The following CEP97 variants were observed in gnomAD, a reference collection of about 807,000 sequenced individuals.
CEP97 encodes centrosomal protein 97, also known as centrosomal protein of 97 kDa.
CEP97 carries 43 observed loss-of-function variants against 73.1 expected under a neutral mutation model. That is an observed-to-expected ratio of 0.59 (90% confidence interval 0.46 to 0.76). CEP97 has a LOEUF of 0.76. CEP97 is among the 30% of genes least tolerant of loss of function. CEP97 has a pLI of 0.00. For synonymous variants in CEP97, 337 were observed against 370.0 expected (o/e 0.91, Z 1.02); for missense variants, 939 against 1,014.0 (o/e 0.93, Z 1.00).
chr3:101,727,876 TCTAGTC>T (rs1178929112), intron 3 of CEP97, among the ~76,000 whole-genome samples: 1 of 152,208 alleles, frequency 6.6e-6, no homozygotes, highest in Non-Finnish European at 1.5e-5. Context: ...AGATCTGAAT[TCTAGTC>T]CTACTTGCAC....
intron 10 of CEP97, chr3:101,763,048 C>A (rs1040085679): frequency 8.1e-7 from 1 of 1,229,440 alleles, no homozygotes. Context: ...ACATCAAATA[C>A]TTCTTGATGA....
chr3:101,734,098 T>C (rs1938203230), intron 6 of CEP97, among the ~76,000 whole-genome samples: 1 of 152,208 alleles, frequency 6.6e-6, no homozygotes, highest in African/African-American at 2.4e-5. Context: ...AGTGTTGGGA[T>C]TACAGGCATG....
Position 101,768,755 on chromosome 3 carries a change from GTA to G in CEP97, c.*3209_*3210del, listed in dbSNP as rs1939381166. 6.6e-6 allele frequency: 1 copy of G among 152,132 alleles called. No individual in the cohort carries two copies. Among genetic ancestry groups the G allele is most frequent in the African/African-American group, 2.4e-5 (1 of 41,408 alleles). The allele number at this position is 152,132 out of a possible 1,614,324, so 9.4% of individuals were successfully genotyped here. A position where few individuals can be genotyped will look rare whatever the true frequency, so the allele number is the denominator to read the frequency against. On this transcript the variant is annotated 3_prime_UTR_variant, in exon 11 of 11. Transcript: ENST00000341893. ...ACAGGCAGTATGACAGGTTGCTGAG[GTA>G]TATAAAATTTTCTAGAGAAATGCTG...
rs72935893 is a variant in CEP97, at chr3:101,762,797, G to A, written c.1893+237G>A. Among the ~76,000 whole-genome samples, 388 of 152,262 alleles carry A rather than the reference G, an allele frequency of 2.5e-3. 1 individual carries two copies. Among genetic ancestry groups the A allele is most frequent in the African/African-American group, 8.8e-3 (367 of 41,548 alleles). ...AAAAACAAAATAGTATAAAGCAGGAGGAAAGTGGCTTAACTGAAGGCTGTT... is the reference window on the plus strand; with the variant it reads ...AAAAACAAAATAGTATAAAGCAGGAAGAAAGTGGCTTAACTGAAGGCTGTT... On this transcript the variant is annotated intron_variant, in intron 10 of 10. Coordinates refer to ENST00000341893, the MANE Select transcript of CEP97 (RefSeq NM_024548.4).
rs1469032484 is a variant in CEP97, at chr3:101,770,549, G to A, written c.*4998G>A. ...GAGTCTGTCTAATTTTAAATAAAAGGTTTATACATTTGAGTGCTTCATCTG... is the reference window on the plus strand; with the variant it reads ...GAGTCTGTCTAATTTTAAATAAAAGATTTATACATTTGAGTGCTTCATCTG... On this transcript the variant is annotated 3_prime_UTR_variant, in exon 11 of 11. Coordinates refer to ENST00000341893, the MANE Select transcript of CEP97 (RefSeq NM_024548.4). 1 of 152,044 alleles carries A rather than the reference G, an allele frequency of 6.6e-6. No individual in the cohort carries two copies. The highest frequency in any genetic ancestry group is 1.5e-5 in the Non-Finnish European group (1 of 68,020). 9.4% of individuals were successfully genotyped at this position (152,044 alleles called of 1,614,324 possible).
At chr3:101,727,264 G>A (rs1353634267) in intron 2 of CEP97, 119 bp from the exon 3 acceptor site, 14 of 751,268 alleles carry the variant, frequency 1.9e-5, no homozygotes, top group Admixed American at 2.9e-5. Flanking sequence ...TATGTGAAAT[G>A]TACAAAAGGA....
At chr3:101,757,489 G>T in intron 8 of CEP97, 145 bp from the exon 9 acceptor site, 2 of 753,858 alleles carry the variant, frequency 2.7e-6, no homozygotes, top group South Asian at 2.1e-5. Context: ...AAAATGTTTG[G>T]TTTGATGTTT....
Position 101,768,970 on chromosome 3 carries a change from G to T in CEP97, c.*3419G>T, listed in dbSNP as rs1282926351. 1.3e-5 allele frequency: 2 copies of T among 152,048 alleles called. No homozygotes were observed. The highest frequency in any genetic ancestry group is 2.9e-5 in the Non-Finnish European group (2 of 68,002). 9.4% of individuals were successfully genotyped at this position (152,048 alleles called of 1,614,324 possible). On this transcript the variant is annotated 3_prime_UTR_variant, in exon 11 of 11. Coordinates refer to ENST00000341893, the MANE Select transcript of CEP97 (RefSeq NM_024548.4). ...TGTTCATTTATTTAGTCATATAATCGTTTGTATATATGTAAATAACTTTAT... is the reference window on the plus strand; with the variant it reads ...TGTTCATTTATTTAGTCATATAATCTTTTGTATATATGTAAATAACTTTAT...
intron 3 of CEP97, among the ~76,000 whole-genome samples, chr3:101,728,262 GTTT>G (rs5851280): frequency 1.1e-4 from 15 of 135,394 alleles, no homozygotes; most frequent in Non-Finnish European, 1.3e-4. Flanking sequence ...GGTTTCTTTT[GTTT>G]TTTTTTTTTT....
chr3:101,766,638 G>GAT lies in CEP97; in HGVS notation c.*1106_*1107dup, dbSNP rs3039557. 23,390 of 147,866 alleles carry GAT rather than the reference G, an allele frequency of 0.16. 1,886 individuals carry two copies. The highest frequency in any genetic ancestry group is 0.19 in the Non-Finnish European group (12,760 of 66,464). The allele number at this position is 147,866 out of a possible 1,614,324, so 9.2% of individuals were successfully genotyped here. ...AAACCTCACTTTACTTGTTAAAAGG[G>GAT]ATATATATATATATATATATGTCTG... On this transcript the variant is annotated 3_prime_UTR_variant, in exon 11 of 11. Transcript: ENST00000341893.
In CEP97 at chr3:101,757,969, C is replaced by A; in HGVS notation, c.1363C>A (p.Pro455Thr). The A allele has an allele frequency of 3.7e-6, 6 of 1,614,168 alleles. No individual in the cohort carries two copies. The highest frequency in any genetic ancestry group is 5.1e-6 in the Non-Finnish European group (6 of 1,180,024). The change falls in exon 9 of 11, where the codon CCT (proline) becomes ACT (threonine). Residue 455 changes from proline (P) to threonine (T), a missense_variant. Coordinates refer to ENST00000341893, the MANE Select transcript of CEP97 (RefSeq NM_024548.4). ...SQVLDKEEEQPLWAANENSVQ... is the reference protein window; with the variant it reads ...SQVLDKEEEQTLWAANENSVQ... ...GGTGTTGGATAAGGAAGAGGAACAG[C>A]CTTTATGGGCTGCAAATGAGAATTC...
chr3:101,769,287 T>C lies in CEP97; in HGVS notation c.*3736T>C, dbSNP rs1487109520. ...AAAAAATAGAATGAATATGATCATT[T>C]CTCCATCATAAAGGAAAGAAGAGAC... On this transcript the variant is annotated 3_prime_UTR_variant, in exon 11 of 11. Coordinates refer to ENST00000341893, the MANE Select transcript of CEP97 (RefSeq NM_024548.4). 6.6e-6 allele frequency: 1 copy of C among 151,822 alleles called. No homozygotes were observed. Among genetic ancestry groups the C allele is most frequent in the Non-Finnish European group, 1.5e-5 (1 of 67,966 alleles). The allele number at this position is 151,822 out of a possible 1,614,324, so 9.4% of individuals were successfully genotyped here.
intron 9 of CEP97, chr3:101,759,296 T>G (rs1939106521): frequency 6.6e-6 from 1 of 152,218 alleles, no homozygotes; most frequent in South Asian, 2.1e-4. Flanking sequence ...AGGTGCAAGC[T>G]TCCAGTTGTT....
chr3:101,748,528 A>G (rs1309550761), intron 6 of CEP97, among the ~76,000 whole-genome samples: 1 of 152,180 alleles, frequency 6.6e-6, no homozygotes, highest in Non-Finnish European at 1.5e-5. Flanking sequence ...CTATTTTTGT[A>G]CAACCTTTCA....
intron 9 of CEP97, among the ~76,000 whole-genome samples, chr3:101,761,559 G>A (rs1939178475): frequency 6.6e-6 from 1 of 152,162 alleles, no homozygotes; most frequent in Admixed American, 6.5e-5. Context: ...TTAAAGGAGG[G>A]AGATGAAGAA....
chr3:101,741,455 G>T (rs1938447888), intron 6 of CEP97, among the ~76,000 whole-genome samples: 1 of 152,154 alleles, frequency 6.6e-6, no homozygotes, highest in Admixed American at 6.6e-5. Context: ...CACAGCAAAA[G>T]AAACTATCAT....
intron 6 of CEP97, among the ~76,000 whole-genome samples, chr3:101,736,892 G>A (rs935409035): frequency 7.9e-5 from 12 of 152,264 alleles, no homozygotes; most frequent in African/African-American, 1.7e-4. Flanking sequence ...AACAAACTCC[G>A]TTGAGCTAAA....
rs957341172 is a variant in CEP97 at position 101,769,120 on chromosome 3, A to G, written c.*3569A>G. 8 of 152,036 alleles carry G rather than the reference A, an allele frequency of 5.3e-5. No individual in the cohort carries two copies. The highest frequency in any genetic ancestry group is 8.8e-5 in the Non-Finnish European group (6 of 68,004). The allele number at this position is 152,036 out of a possible 1,614,324, so 9.4% of individuals were successfully genotyped here. On this transcript the variant is annotated 3_prime_UTR_variant, in exon 11 of 11. Transcript: ENST00000341893. ...CTTAAGTCTAGTTCTACTTTTTCCC[A>G]ATAATTTCAGGAAAATACAAGCTTG...
chr3:101,729,560 A>G (rs1156901187), intron 4 of CEP97, among the ~76,000 whole-genome samples: 1 of 152,010 alleles, frequency 6.6e-6, no homozygotes, highest in Non-Finnish European at 1.5e-5. Context: ...GGTTGAGATT[A>G]ATCATTCCTG....
Sources: allele counts gnomAD v4.1 joint callset (sites outside exome capture counted in the v4.1 genomes callset), GRCh38; gene constraint gnomAD v4.1.1; transcripts MANE v1.5; gene names NCBI Gene and HGNC (gene_info 2026-07-23, HGNC 2026-07-21).